CNTN5: variants seen among roughly 807,000 people sequenced by gnomAD.
The protein encoded by CNTN5 is contactin 5.
In CNTN5, 77 loss-of-function variants were observed where a neutral mutation model predicts 129.1. The observed-to-expected ratio is 0.60, with a 90% CI of 0.50 to 0.72. The LOEUF (loss-of-function observed/expected upper bound fraction) is 0.72. Among genes scored for constraint, CNTN5 ranks in the 30% least tolerant of loss-of-function variants. The probability of loss-of-function intolerance (pLI) is 0.00; values close to 1 mark genes in which losing one functional copy is unlikely to be tolerated. For synonymous variants in CNTN5, 509 were observed against 465.6 expected (o/e 1.09, Z -1.20); for missense variants, 1,478 against 1,328.8 (o/e 1.11, Z -1.75).
At chr11:100,160,860 C>A (rs761165762) in intron 13 of CNTN5, among the ~76,000 whole-genome samples, 2 of 151,868 alleles carry the variant, frequency 1.3e-5, no homozygotes, top group Non-Finnish European at 2.9e-5. Context: ...AACGTTTGAT[C>A]TCCCTAATAT....
chr11:99,666,933 A>G (rs916067603), intron 3 of CNTN5, among the ~76,000 whole-genome samples: 2 of 152,072 alleles, frequency 1.3e-5, no homozygotes, highest in African/African-American at 2.4e-5. Context: ...TGAAAAATAC[A>G]TGGTTTTTAA....
At chr11:99,897,067 A>T (rs1320242949) in intron 6 of CNTN5, among the ~76,000 whole-genome samples, 1 of 152,160 alleles carries the variant, frequency 6.6e-6, no homozygotes, top group African/African-American at 2.4e-5. Flanking sequence ...AAGAACTTCA[A>T]TGCGTAAAAA....
chr11:99,367,748 G>C, intron 2 of CNTN5, among the ~76,000 whole-genome samples: 1 of 152,080 alleles, frequency 6.6e-6, no homozygotes, highest in East Asian at 1.9e-4. Context: ...TGGGTGGAGA[G>C]AGAGAGAAGA....
intron 8 of CNTN5, among the ~76,000 whole-genome samples, chr11:99,983,749 G>A (rs1045097036): frequency 6.6e-6 from 1 of 152,056 alleles, no homozygotes; most frequent in East Asian, 1.9e-4. Flanking sequence ...GAGTGGGTAG[G>A]GTTAAGAAGA....
chr11:99,979,849 A>G (rs1172442828), intron 8 of CNTN5, among the ~76,000 whole-genome samples: 1 of 152,214 alleles, frequency 6.6e-6, no homozygotes, highest in Admixed American at 6.5e-5. Flanking sequence ...GGAGAAGAGC[A>G]TGGACTCTGA....
intron 6 of CNTN5, among the ~76,000 whole-genome samples, chr11:99,853,680 T>G (rs1947946775): frequency 6.6e-6 from 1 of 152,118 alleles, no homozygotes. Context: ...GCACCCGGCT[T>G]TATATATATT....
intron 1 of CNTN5, among the ~76,000 whole-genome samples, chr11:99,306,995 A>G (rs1864907336): frequency 6.6e-6 from 1 of 152,122 alleles, no homozygotes; most frequent in African/African-American, 2.4e-5. Flanking sequence ...GGTGTGACCT[A>G]TCATTCCTAC....
intron 3 of CNTN5, among the ~76,000 whole-genome samples, chr11:99,772,508 T>A (rs759375383): frequency 3.3e-5 from 5 of 152,072 alleles, no homozygotes; most frequent in Non-Finnish European, 7.4e-5. Context: ...ATTCACTTGA[T>A]GTGGCTGTTA....
At chr11:100,297,093 G>A (rs1951113411) in intron 18 of CNTN5, among the ~76,000 whole-genome samples, 2 of 151,508 alleles carry the variant, frequency 1.3e-5, no homozygotes, top group Non-Finnish European at 3.0e-5. Context: ...TTTGCAGAGA[G>A]ATTCATTCTT....
At chr11:99,764,514 C>G (rs1030156289) in intron 3 of CNTN5, among the ~76,000 whole-genome samples, 1 of 152,084 alleles carries the variant, frequency 6.6e-6, no homozygotes, top group African/African-American at 2.4e-5. Context: ...CTCCCAGATT[C>G]AAGGGATTCT....
At chr11:99,347,979 ATTTG>A (rs1938017402) in intron 2 of CNTN5, among the ~76,000 whole-genome samples, 1 of 152,216 alleles carries the variant, frequency 6.6e-6, no homozygotes, top group Non-Finnish European at 1.5e-5. Context: ...GAACAGCTGA[ATTTG>A]TTTCTTTATA....
At chr11:99,802,142 G>C (rs1477370094) in intron 3 of CNTN5, among the ~76,000 whole-genome samples, 1 of 152,148 alleles carries the variant, frequency 6.6e-6, no homozygotes, top group Admixed American at 6.5e-5. Flanking sequence ...TTTTTTGTCT[G>C]TTCTTCTATA....
In CNTN5 at chr11:99,276,466, A is replaced by G. The variant is rs192502319; in HGVS notation, c.-209-48880A>G. Among the ~76,000 whole-genome samples, 639 of 151,720 alleles carry G rather than the reference A, an allele frequency of 4.2e-3. 17 individuals carry two copies. Among genetic ancestry groups the G allele is most frequent in the Admixed American group, 0.029 (440 of 15,150 alleles). ...CTTTCCTGTAATTTTTTAAAATTTAATTTATTGAGTTCAGATCCCAGCTTC... is the reference window on the plus strand; with the variant it reads ...CTTTCCTGTAATTTTTTAAAATTTAGTTTATTGAGTTCAGATCCCAGCTTC... On this transcript the variant is annotated intron_variant, in intron 1 of 24. Transcript: ENST00000524871.
Position 99,947,359 on chromosome 11 carries a change from TA to T in CNTN5, c.674-9444del, listed in dbSNP as rs1438685110. On this transcript the variant is annotated intron_variant, in intron 7 of 24. Transcript: ENST00000524871. ...TTTATGATTAGGTTTTTTTTTTTTT[TA>T]AACAGGTGAGCAATAGGGACAAATT... Among the ~76,000 whole-genome samples the T allele has an allele frequency of 2.1e-5, 3 of 143,130 alleles. No individual in the cohort carries two copies. The Admixed American group carries it at 2.1e-4, about 10-fold the overall frequency. 93.9% of individuals were successfully genotyped at this position (143,130 alleles called of 152,430 possible).
At chr11:99,588,628 C>A (rs528833289) in intron 3 of CNTN5, among the ~76,000 whole-genome samples, 1 of 152,214 alleles carries the variant, frequency 6.6e-6, no homozygotes, top group Admixed American at 6.5e-5. Flanking sequence ...GTCTTCAATC[C>A]ATTTTATTTA....
At chr11:99,163,069 A>G (rs1250485465) in intron 1 of CNTN5, among the ~76,000 whole-genome samples, 1 of 152,168 alleles carries the variant, frequency 6.6e-6, no homozygotes, top group African/African-American at 2.4e-5. Flanking sequence ...GGAGAGTGAA[A>G]ATAGGATTTG....
At chr11:99,549,078 C>T (rs893787307) in intron 2 of CNTN5, among the ~76,000 whole-genome samples, 1 of 133,358 alleles carries the variant, frequency 7.5e-6, no homozygotes, top group Non-Finnish European at 1.6e-5. Context: ...TCCTCTTTCT[C>T]ATGGTGTCAA....
chr11:99,686,086 T>C (rs557030520), intron 3 of CNTN5, among the ~76,000 whole-genome samples: 1 of 151,376 alleles, frequency 6.6e-6, no homozygotes, highest in African/African-American at 2.5e-5. Context: ...TTCCATTCAT[T>C]CCACCTGTGT....
intron 3 of CNTN5, among the ~76,000 whole-genome samples, chr11:99,695,122 A>G (rs1954214174): frequency 6.6e-6 from 1 of 152,052 alleles, no homozygotes; most frequent in Admixed American, 6.6e-5. Context: ...TCTGTATCTA[A>G]ATTAGGTAGA....
Sources: gnomAD v4.1 joint callset for allele counts (sites outside exome capture counted in the v4.1 genomes callset) on GRCh38, gnomAD v4.1.1 for gene constraint, MANE v1.5 for transcripts, NCBI Gene and HGNC (gene_info 2026-07-23, HGNC 2026-07-21) for gene names.